The following CCDC3 variants were observed in gnomAD, a reference collection of about 807,000 sequenced individuals.
CCDC3 encodes coiled-coil domain-containing protein 3.
CCDC3 carries 24 observed loss-of-function variants against 21.4 expected under a neutral mutation model. The observed-to-expected ratio is 1.12, with a 90% CI of 0.81 to 1.58. CCDC3 has a LOEUF of 1.58. CCDC3 is among the 40% of genes most tolerant of loss of function. CCDC3 has a pLI of 0.00. For synonymous variants in CCDC3, 186 were observed against 166.0 expected (o/e 1.12, Z -0.93); for missense variants, 425 against 360.9 (o/e 1.18, Z -1.44).
chr10:12,949,232 A>C (rs970931153), intron 2 of CCDC3, among the ~76,000 whole-genome samples: 1 of 152,186 alleles, frequency 6.6e-6, no homozygotes, highest in African/African-American at 2.4e-5. Flanking sequence ...GCCGGGAATA[A>C]AGACCACATA....
intron 5 of CCDC3, among the ~76,000 whole-genome samples, chr10:13,024,342 C>T (rs901523658): frequency 6.6e-6 from 1 of 152,108 alleles, no homozygotes; most frequent in Non-Finnish European, 1.5e-5. Context: ...CAAGGCAGTC[C>T]TCTCTCTGAA....
intron 2 of CCDC3, among the ~76,000 whole-genome samples, chr10:12,913,039 A>G (rs1205713919): frequency 6.6e-6 from 1 of 152,180 alleles, no homozygotes; most frequent in Non-Finnish European, 1.5e-5. Flanking sequence ...AGGTAGTACA[A>G]TGCTTCTTTT....
chr10:13,017,386 G>A (rs1344407687), intron 5 of CCDC3, among the ~76,000 whole-genome samples: 14 of 151,446 alleles, frequency 9.2e-5, no homozygotes, highest in African/African-American at 1.7e-4. Flanking sequence ...GTGTGGTGGC[G>A]GGTGCCTGTA....
chr10:12,910,241 A>G (rs1320689620), intron 2 of CCDC3, among the ~76,000 whole-genome samples: 1 of 152,198 alleles, frequency 6.6e-6, no homozygotes, highest in Non-Finnish European at 1.5e-5. Flanking sequence ...GGTGCAATTT[A>G]GCAAGACCTT....
chr10:12,982,504 A>T (rs1322328834), intron 2 of CCDC3, among the ~76,000 whole-genome samples: 1 of 152,052 alleles, frequency 6.6e-6, no homozygotes, highest in Non-Finnish European at 1.5e-5. Flanking sequence ...ATAATTAAAA[A>T]AAAAATCGGC....
Position 13,081,827 on chromosome 10 carries a change from G to A in CCDC3, c.-502-7727C>T, listed in dbSNP as rs1042317685. On this transcript the variant is annotated intron_variant, in intron 3 of 6. Coordinates refer to the CCDC3 transcript ENST00000378839. ...ATCTGCACTCTAAATAAATGCAATC[G>A]TTACGCTTGTGTGCGTGGTAGGCCA... Among the ~76,000 whole-genome samples the A allele has an allele frequency of 1.1e-4, 17 of 152,320 alleles. No homozygotes were observed. In the East Asian group the frequency reaches 2.1e-3, roughly 19 times the overall value.
intron 5 of CCDC3, among the ~76,000 whole-genome samples, chr10:13,044,336 T>C (rs1382839733): frequency 6.6e-6 from 1 of 152,236 alleles, no homozygotes; most frequent in Non-Finnish European, 1.5e-5. Context: ...TTTATTTGGC[T>C]TTGCAGAAGC....
chr10:12,898,574 C>G lies in CCDC3; in HGVS notation c.655G>C (p.Glu219Gln), dbSNP rs747331715. The G allele has an allele frequency of 6.2e-7, 1 of 1,614,264 alleles. No individual in the cohort carries two copies. Among genetic ancestry groups the G allele is most frequent in the Non-Finnish European group, 8.5e-7 (1 of 1,180,044 alleles). ...GACCTCTTGACCTTCTTCACTCGCT[C>G]CCGGAGCTGCCGGTTGCGCTTCTCC... Reference protein sequence around the residue: ...TLEKRNRQLRERVKKVKRSLR... With the variant: ...TLEKRNRQLRQRVKKVKRSLR... Residue 219 changes from glutamate (E) to glutamine (Q), a missense_variant, in exon 3 of 3, where the codon GAG becomes CAG. Transcript: ENST00000378825.
At chr10:12,921,440 T>C (rs1465900198) in intron 2 of CCDC3, among the ~76,000 whole-genome samples, 5 of 152,202 alleles carry the variant, frequency 3.3e-5, no homozygotes, top group Non-Finnish European at 7.4e-5. Context: ...ACTCGTCCCA[T>C]TGGTGCCCTC....
chr10:13,020,816 A>C (rs1188336632), intron 5 of CCDC3, among the ~76,000 whole-genome samples: 1 of 152,236 alleles, frequency 6.6e-6, no homozygotes, highest in East Asian at 1.9e-4. Flanking sequence ...CAAGAGATTC[A>C]TCTTACAATG....
chr10:12,898,844 C>T (rs1248829822), intron 2 of CCDC3, among the ~76,000 whole-genome samples, 165 bp from the exon 3 acceptor site: 1 of 152,192 alleles, frequency 6.6e-6, no homozygotes, highest in Admixed American at 6.5e-5. Context: ...TGACATTCCC[C>T]GCCCTCCACC....
At chr10:12,935,734 C>T (rs550417672) in intron 2 of CCDC3, among the ~76,000 whole-genome samples, 4 of 150,644 alleles carry the variant, frequency 2.7e-5, no homozygotes, top group African/African-American at 4.9e-5. Flanking sequence ...GGCGTGATCT[C>T]GGCTCACTGC....
At chr10:13,083,198 C>T (rs1837063672) in intron 3 of CCDC3, among the ~76,000 whole-genome samples, 1 of 152,216 alleles carries the variant, frequency 6.6e-6, no homozygotes, top group African/African-American at 2.4e-5. Flanking sequence ...AGGACCTTTA[C>T]TGGACATTCT....
chr10:13,036,377 C>T (rs1836377606), intron 5 of CCDC3, among the ~76,000 whole-genome samples: 1 of 152,250 alleles, frequency 6.6e-6, no homozygotes, highest in Non-Finnish European at 1.5e-5. Flanking sequence ...CCAAACTTTG[C>T]AAATAGAAAA....
chr10:12,966,790 G>A (rs1209349865), intron 2 of CCDC3, among the ~76,000 whole-genome samples: 8 of 152,150 alleles, frequency 5.3e-5, no homozygotes, highest in East Asian at 3.8e-4. Context: ...TTTATTGGGC[G>A]CCTTCAAATT....
intron 2 of CCDC3, among the ~76,000 whole-genome samples, chr10:12,937,003 GGGACCTGTATCTGACAGTTACTTGTA>G (rs1834750258): frequency 6.6e-6 from 1 of 152,158 alleles, no homozygotes; most frequent in Non-Finnish European, 1.5e-5. Flanking sequence ...GCAGCACAAG[GGGACCTGTATCTGACAGTTACTTGTA>G]GGACCTGGTA....
chr10:13,081,891 T>C (rs889437652), intron 3 of CCDC3, among the ~76,000 whole-genome samples: 2 of 152,244 alleles, frequency 1.3e-5, no homozygotes, highest in African/African-American at 4.8e-5. Flanking sequence ...GATAATCCTC[T>C]AATCGACAAG....
intron 2 of CCDC3, among the ~76,000 whole-genome samples, chr10:12,948,642 A>G (rs1252766382): frequency 6.6e-6 from 1 of 152,012 alleles, no homozygotes; most frequent in Non-Finnish European, 1.5e-5. Flanking sequence ...CCACTGGTCC[A>G]ACACCTTAAA....
intron 4 of CCDC3, chr10:13,073,724 C>G (rs1375547134): frequency 6.6e-6 from 1 of 152,032 alleles, no homozygotes; most frequent in Non-Finnish European, 1.5e-5. Context: ...TGAGCTCAAG[C>G]AGTCCTCCCA....
Sources: allele counts gnomAD v4.1 joint callset (sites outside exome capture counted in the v4.1 genomes callset), GRCh38; gene constraint gnomAD v4.1.1; transcripts MANE v1.5; gene names NCBI Gene and HGNC (gene_info 2026-07-23, HGNC 2026-07-21).